The following MAGI2 variants were observed in gnomAD, a reference collection of about 807,000 sequenced individuals.
MAGI2 encodes membrane associated guanylate kinase, WW and PDZ domain containing 2, also known as membrane-associated guanylate kinase, WW and PDZ domain-containing protein 2.
MAGI2 carries 35 observed loss-of-function variants against 133.3 expected under a neutral mutation model. The observed-to-expected ratio is 0.26, with a 90% confidence interval of 0.20 to 0.35. MAGI2 has a LOEUF of 0.35. Ranked by LOEUF, MAGI2 falls within the 10% of genes least tolerant of loss-of-function variation. The pLI, the probability that MAGI2 is intolerant of heterozygous loss-of-function variation, is 1.00. For missense variants in MAGI2, 1,636 were observed against 1,863.4 expected, an observed-to-expected ratio of 0.88 and a Z score of 2.25; for synonymous variants, 729 against 710.6, an observed-to-expected ratio of 1.03 and a Z score of -0.41.
At chr7:78,577,481 T>C (rs1018935486) in intron 3 of MAGI2, among the ~76,000 whole-genome samples, 1 of 152,224 alleles carries the variant, frequency 6.6e-6, no homozygotes, top group African/African-American at 2.4e-5. Context: ...CTGATTTTCA[T>C]GCACGTCCGT....
chr7:79,106,420 T>C (rs1818457063), intron 1 of MAGI2, among the ~76,000 whole-genome samples: 1 of 152,150 alleles, frequency 6.6e-6, no homozygotes, highest in Non-Finnish European at 1.5e-5. Context: ...TTCAAACTTA[T>C]GAAACTGTAT....
intron 1 of MAGI2, among the ~76,000 whole-genome samples, chr7:79,387,330 C>T (rs545129753): frequency 2.6e-5 from 4 of 151,934 alleles, no homozygotes; most frequent in Non-Finnish European, 5.9e-5. Flanking sequence ...CTTCCTCCAC[C>T]TCTGATTCTT....
chr7:78,931,509 A>G (rs1383162448), intron 2 of MAGI2, among the ~76,000 whole-genome samples: 1 of 152,136 alleles, frequency 6.6e-6, no homozygotes, highest in Non-Finnish European at 1.5e-5. Context: ...CAGATGCCAG[A>G]GTGAGGTCTG....
chr7:79,224,659 T>A (rs1006704451), intron 1 of MAGI2, among the ~76,000 whole-genome samples: 5 of 152,160 alleles, frequency 3.3e-5, no homozygotes, highest in Admixed American at 3.3e-4. Flanking sequence ...ACTACTGATA[T>A]ATGCAACAAC....
intron 1 of MAGI2, among the ~76,000 whole-genome samples, chr7:79,313,202 G>T (rs1838431814): frequency 6.6e-6 from 1 of 152,070 alleles, no homozygotes; most frequent in Admixed American, 6.6e-5. Flanking sequence ...GTAAGCCTTT[G>T]TAAGCTTGAT....
chr7:78,173,966 A>C (rs1022953947), intron 14 of MAGI2, among the ~76,000 whole-genome samples: 1 of 152,192 alleles, frequency 6.6e-6, no homozygotes, highest in Admixed American at 6.5e-5. Flanking sequence ...ATCGGCGCTC[A>C]ACAATTGTAA....
chr7:79,235,282 G>C (rs372214236), intron 1 of MAGI2, among the ~76,000 whole-genome samples: 5,922 of 151,968 alleles, frequency 0.039, 185 homozygotes, highest in African/African-American at 0.078. Flanking sequence ...GTGGAGCCTA[G>C]AGAGGCAGGC....
At chr7:78,108,652 G>C (rs201103653) in intron 20 of MAGI2, among the ~76,000 whole-genome samples, 1 of 92,376 alleles carries the variant, frequency 1.1e-5, no homozygotes, top group Non-Finnish European at 2.5e-5. Flanking sequence ...ATGTGTGTGT[G>C]TGTGTGTGTG....
At chr7:79,310,180 AAAAAAAAAAAAAAAAG>A (rs57206998) in intron 1 of MAGI2, among the ~76,000 whole-genome samples, 2,400 of 142,496 alleles carry the variant, frequency 0.017, 128 homozygotes, top group African/African-American at 0.06. Flanking sequence ...AAAAAAAAAA[AAAAAAAAAAAAAAAAG>A]AGAGAGAGAG....
rs1431164063 is a variant in MAGI2 at position 78,135,091 on chromosome 7, A to G, written c.2961T>C (p.Pro987=). The change falls in exon 17 of 22, where the codon CCT becomes CCC. Residue 987 remains proline (P), a synonymous_variant. Coordinates refer to ENST00000354212, the MANE Select transcript of MAGI2 (RefSeq NM_012301.4). ...AVNGQSIINM[P]HADIVKLIKD... ...TGATGAGCTTCACGATGTCAGCGTG[A>G]GGCATGTTGATGATAGACTGGCCAT... 1 of 1,614,116 alleles carries G rather than the reference A, an allele frequency of 6.2e-7. No homozygotes were observed. Among genetic ancestry groups the G allele is most frequent in the Non-Finnish European group, 8.5e-7 (1 of 1,180,004 alleles).
intron 20 of MAGI2, among the ~76,000 whole-genome samples, chr7:78,079,426 A>G (rs1167623178): frequency 6.6e-6 from 1 of 152,240 alleles, no homozygotes; most frequent in African/African-American, 2.4e-5. Flanking sequence ...ATAACCTGGC[A>G]TCTTTGCTTT....
intron 2 of MAGI2, among the ~76,000 whole-genome samples, chr7:78,669,087 A>G (rs529904272): frequency 1.3e-4 from 20 of 152,182 alleles, no homozygotes; most frequent in Non-Finnish European, 2.4e-4. Context: ...GAACTGAAGC[A>G]AATAGAGACA....
intron 2 of MAGI2, among the ~76,000 whole-genome samples, chr7:78,629,563 C>T (rs1808744300): frequency 6.6e-6 from 1 of 152,158 alleles, no homozygotes; most frequent in Non-Finnish European, 1.5e-5. Flanking sequence ...TTACCCCACT[C>T]ATAATTAACC....
intron 2 of MAGI2, among the ~76,000 whole-genome samples, chr7:78,702,876 G>A (rs936218887): frequency 1.3e-4 from 20 of 151,984 alleles, no homozygotes; most frequent in Admixed American, 3.9e-4. Flanking sequence ...CTATGCAGTT[G>A]GTTAAATAAG....
chr7:78,568,931 G>C (rs941304822), intron 3 of MAGI2, among the ~76,000 whole-genome samples: 1 of 151,906 alleles, frequency 6.6e-6, no homozygotes, highest in Non-Finnish European at 1.5e-5. Flanking sequence ...GCTATTCCTT[G>C]ACCGTTCTGC....
At chr7:78,963,151 T>C (rs886251878) in intron 2 of MAGI2, among the ~76,000 whole-genome samples, 1 of 152,104 alleles carries the variant, frequency 6.6e-6, no homozygotes, top group African/African-American at 2.4e-5. Flanking sequence ...TGGCCACACT[T>C]ACTAGTTTAC....
At chr7:79,216,278 C>A (rs924456040) in intron 1 of MAGI2, among the ~76,000 whole-genome samples, 2 of 151,902 alleles carry the variant, frequency 1.3e-5, no homozygotes, top group African/African-American at 4.8e-5. Flanking sequence ...ACTCCATCCC[C>A]TTTGTAGCTC....
chr7:79,039,093 G>A (rs1276266627), intron 1 of MAGI2, among the ~76,000 whole-genome samples: 5 of 152,144 alleles, frequency 3.3e-5, no homozygotes, highest in South Asian at 2.1e-4. Context: ...AACCATGTGG[G>A]AGGTAATTAG....
intron 2 of MAGI2, among the ~76,000 whole-genome samples, chr7:78,750,501 G>A (rs1283583710): frequency 1.3e-5 from 2 of 152,142 alleles, no homozygotes; most frequent in African/African-American, 4.8e-5. Context: ...CGAATTGACA[G>A]CAATTTTTAT....
Sources: gnomAD v4.1 joint callset for allele counts (sites outside exome capture counted in the v4.1 genomes callset) on GRCh38, gnomAD v4.1.1 for gene constraint, MANE v1.5 for transcripts, NCBI Gene and HGNC (gene_info 2026-07-23, HGNC 2026-07-21) for gene names.